Variants in RABGAP1L observed in about 807,000 individuals in gnomAD.
RABGAP1L encodes RAB GTPase activating protein 1 like.
RABGAP1L carries 63 observed loss-of-function variants against 137.7 expected under a neutral mutation model. The ratio of observed to expected loss-of-function variants is 0.46; its 90% CI spans 0.37 to 0.56. The LOEUF is 0.56. Among genes scored for constraint, RABGAP1L ranks in the 20% least tolerant of loss-of-function variants. RABGAP1L has a pLI of 0.00. For synonymous variants in RABGAP1L, 431 were observed against 433.7 expected (o/e 0.99, Z 0.08); for missense variants, 1,095 against 1,244.0 (o/e 0.88, Z 1.80).
intron 16 of RABGAP1L, among the ~76,000 whole-genome samples, chr1:174,701,378 C>CT (rs979019846): frequency 1.2e-4 from 18 of 152,126 alleles, no homozygotes; most frequent in Non-Finnish European, 2.2e-4. Context: ...AAAAAATATA[C>CT]TGAAACATCA....
intron 19 of RABGAP1L, among the ~76,000 whole-genome samples, chr1:174,886,461 C>T (rs1003580840): frequency 6.6e-6 from 1 of 152,162 alleles, no homozygotes; most frequent in African/African-American, 2.4e-5. Context: ...ATTGTAATGC[C>T]CACAATAGGA....
intron 19 of RABGAP1L, among the ~76,000 whole-genome samples, chr1:174,931,677 A>C (rs1326182894): frequency 6.6e-6 from 1 of 152,322 alleles, no homozygotes; most frequent in East Asian, 1.9e-4. Context: ...AACTGATGGT[A>C]CTTTAGATGT....
intron 13 of RABGAP1L, among the ~76,000 whole-genome samples, chr1:174,530,790 TATAC>T (rs79486666): frequency 0.084 from 12,306 of 146,450 alleles, 585 homozygotes; most frequent in Non-Finnish European, 0.11. Context: ...CCAAGATTTT[TATAC>T]ATACATACAT....
intron 25 of RABGAP1L, 69 bp downstream of exon 25, chr1:174,988,907 C>A: frequency 7.4e-7 from 1 of 1,347,868 alleles, no homozygotes; most frequent in Non-Finnish European, 9.9e-7. Context: ...TCTAGTACTT[C>A]AGAATACACC....
intron 7 of RABGAP1L, among the ~76,000 whole-genome samples, chr1:174,268,177 CT>C (rs1309856367): frequency 6.6e-6 from 1 of 150,966 alleles, no homozygotes; most frequent in African/African-American, 2.4e-5. Flanking sequence ...CTGTTTTTCC[CT>C]TTCTATTATG....
intron 14 of RABGAP1L, among the ~76,000 whole-genome samples, chr1:174,675,891 T>C (rs1417938038): frequency 6.6e-6 from 1 of 152,180 alleles, no homozygotes; most frequent in South Asian, 2.1e-4. Context: ...GAAATTTTAA[T>C]AGCCAGATTT....
chr1:174,243,666 T>G (rs1322490090), intron 5 of RABGAP1L, among the ~76,000 whole-genome samples: 1 of 152,234 alleles, frequency 6.6e-6, no homozygotes, highest in East Asian at 1.9e-4. Flanking sequence ...GTTGGACTTA[T>G]TAGACAAGTG....
chr1:174,357,134 C>T (rs755428831), intron 11 of RABGAP1L, among the ~76,000 whole-genome samples: 21 of 152,064 alleles, frequency 1.4e-4, no homozygotes, highest in Non-Finnish European at 2.8e-4. Context: ...AATTCTGCTC[C>T]CTAAGTTAAG....
At chr1:174,533,915 A>G (rs1316347464) in intron 13 of RABGAP1L, among the ~76,000 whole-genome samples, 2 of 151,720 alleles carry the variant, frequency 1.3e-5, no homozygotes, top group East Asian at 3.9e-4. Context: ...CAGGTGATCC[A>G]CTCGCCTCGG....
chr1:174,949,302 G>A (rs1274619508), intron 19 of RABGAP1L, among the ~76,000 whole-genome samples: 3 of 152,248 alleles, frequency 2.0e-5, no homozygotes, highest in Admixed American at 6.5e-5. Context: ...AAAAGATTTA[G>A]TACAGCAACT....
rs1359081282 is a variant in RABGAP1L at position 174,995,196 on chromosome 1, T to C, written c.*5195T>C. On this transcript the variant is annotated 3_prime_UTR_variant, in exon 26 of 26. Coordinates refer to ENST00000681986, the MANE Select transcript of RABGAP1L (RefSeq NM_001366446.1). ...AATGAAGCCTTGTGAAATAAACAAA[T>C]GCAACTGAGAAGGTAACAAGGTGAC... 6.6e-6 allele frequency: 1 copy of C among 152,250 alleles called. No homozygotes were observed. Among genetic ancestry groups the C allele is most frequent in the African/African-American group, 2.4e-5 (1 of 41,474 alleles). The allele number at this position is 152,250 out of a possible 1,614,324, so 9.4% of individuals were successfully genotyped here. A position where few individuals can be genotyped will look rare whatever the true frequency, so the allele number is the denominator to read the frequency against.
chr1:174,253,825 A>T (rs1006458760), intron 7 of RABGAP1L, among the ~76,000 whole-genome samples: 1 of 152,232 alleles, frequency 6.6e-6, no homozygotes, highest in African/African-American at 2.4e-5. Flanking sequence ...GGAAATACAG[A>T]TGCCTATTTG....
At position 174,163,768 on chromosome 1, in the gene RABGAP1L, GT is replaced by G. The variant is rs76547958; in HGVS notation, c.-34+4122del. On this transcript the variant is annotated intron_variant, in intron 1 of 25. Transcript: ENST00000681986. ...GCTTAAATAAGAGGAAAATAAGACA[GT>G]TTTTTTTTTTAATAAAAGGCTGATT... is the stretch of plus-strand genomic sequence containing the variant. Among the ~76,000 whole-genome samples, 683 of 146,194 alleles carry G rather than the reference GT, an allele frequency of 4.7e-3. 3 individuals are homozygous for G. Among genetic ancestry groups the G allele is most frequent in the African/African-American group, 0.013 (534 of 40,098 alleles).
chr1:174,947,190 T>C (rs1214639674), intron 19 of RABGAP1L, among the ~76,000 whole-genome samples: 1 of 148,662 alleles, frequency 6.7e-6, no homozygotes, highest in African/African-American at 2.5e-5. Flanking sequence ...AGTTTTCAAA[T>C]GCAAGCGTGT....
rs545116122 is a variant in RABGAP1L, at chr1:174,634,825, T to G, written c.1711-2550T>G. ...GCATATTCTCCCTCATAGGTGGGAA[T>G]TGAACAATGAGATCACATGGACACA... is the stretch of plus-strand genomic sequence containing the variant. On this transcript the variant is annotated intron_variant, in intron 13 of 25. Coordinates refer to ENST00000681986, the MANE Select transcript of RABGAP1L (RefSeq NM_001366446.1). Among the ~76,000 whole-genome samples the G allele has an allele frequency of 4.9e-5, 7 of 143,328 alleles. No individual in the cohort carries two copies. In the South Asian group the frequency reaches 1.3e-3, roughly 27 times the overall value. 94.0% of individuals were successfully genotyped at this position (143,328 alleles called of 152,430 possible).
intron 19 of RABGAP1L, among the ~76,000 whole-genome samples, chr1:174,939,055 T>A (rs1472591566): frequency 1.3e-5 from 2 of 152,254 alleles, no homozygotes; most frequent in Non-Finnish European, 2.9e-5. Context: ...TCAGATAGAT[T>A]CTCATTTGAT....
chr1:174,972,567 A>G (rs972639621), intron 21 of RABGAP1L, among the ~76,000 whole-genome samples: 1 of 152,194 alleles, frequency 6.6e-6, no homozygotes, highest in African/African-American at 2.4e-5. Context: ...ATTATGGTGA[A>G]GGCTGTCTGG....
At chr1:174,793,133 CAAAAAAAAA>C (rs1160980886) in intron 18 of RABGAP1L, among the ~76,000 whole-genome samples, 1 of 146,082 alleles carries the variant, frequency 6.8e-6, no homozygotes, top group Non-Finnish European at 1.5e-5. Context: ...ACTCCATCTC[CAAAAAAAAA>C]GAAAAAAAGA....
chr1:174,485,898 G>A (rs949515986), intron 13 of RABGAP1L, among the ~76,000 whole-genome samples: 1 of 152,160 alleles, frequency 6.6e-6, no homozygotes, highest in African/African-American at 2.4e-5. Flanking sequence ...TTTCTAAATA[G>A]TTTGATTCAG....
Sources: allele counts gnomAD v4.1 joint callset (sites outside exome capture counted in the v4.1 genomes callset), GRCh38; gene constraint gnomAD v4.1.1; transcripts MANE v1.5; gene names NCBI Gene and HGNC (gene_info 2026-07-23, HGNC 2026-07-21).